The following FAM234B variants were observed in gnomAD, a reference collection of about 807,000 sequenced individuals.
The protein encoded by FAM234B is family with sequence similarity 234 member B.
A neutral mutation model predicts 69.3 loss-of-function variants in FAM234B; 33 were observed. The observed-to-expected ratio is 0.48, with a 90% CI of 0.36 to 0.64. The LOEUF (loss-of-function observed/expected upper bound fraction) is 0.64. Ranked by LOEUF, FAM234B falls within the 30% of genes least tolerant of loss-of-function variation. The probability of loss-of-function intolerance (pLI) is 0.00; values close to 1 mark genes in which losing one functional copy is unlikely to be tolerated. For missense variants in FAM234B, 697 were observed against 769.7 expected (o/e 0.91, Z 1.12); for synonymous variants, 306 against 306.9 (o/e 1.00, Z 0.03).
chr12:13,079,515 G>A (rs1041643334), intron 11 of FAM234B, among the ~76,000 whole-genome samples: 1 of 152,212 alleles, frequency 6.6e-6, no homozygotes, highest in African/African-American at 2.4e-5. Context: ...TGCCACAAGG[G>A]GCACATTCTC....
intron 11 of FAM234B, 41 bp downstream of exon 11, chr12:13,076,184 T>G: frequency 7.1e-7 from 1 of 1,406,430 alleles, no homozygotes; most frequent in African/African-American, 1.4e-5. Flanking sequence ...ACGCAGATGG[T>G]GGGAGAGTAT....
At chr12:13,076,183 G>T in intron 11 of FAM234B, 40 bp downstream of exon 11, 6 of 1,430,372 alleles carry the variant, frequency 4.2e-6, no homozygotes, top group Non-Finnish European at 5.9e-6. Context: ...TACGCAGATG[G>T]TGGGAGAGTA....
rs760047368 is a variant in FAM234B at position 13,061,704 on chromosome 12, A to G, written c.662A>G (p.Glu221Gly). 1 of 1,614,150 alleles carries G rather than the reference A, an allele frequency of 6.2e-7. No homozygotes were observed. Among genetic ancestry groups the G allele is most frequent in the Non-Finnish European group, 8.5e-7 (1 of 1,180,014 alleles). ...CLELMPGSLA[E>G]TICLVTGTHK... The stretch of plus-strand genomic sequence containing the variant: ...GAGCTGATGCCAGGAAGCTTGGCTG[A>G]AACCATCTGCCTTGTGACAGGGACA... Residue 221 changes from glutamate (E) to glycine (G), a missense_variant, in exon 4 of 13, where the codon GAA (glutamate) becomes GGA (glycine). Transcript: ENST00000197268.
At position 13,067,243 on chromosome 12, in the gene FAM234B, A is replaced by G. The variant is rs1396413699; in HGVS notation, c.1089A>G (p.Pro363=). 3 of 1,614,054 alleles carry G rather than the reference A, an allele frequency of 1.9e-6. No individual in the cohort carries two copies. The highest frequency in any genetic ancestry group is 2.5e-6 in the Non-Finnish European group (3 of 1,179,892). The change falls in exon 7 of 13, where the codon CCA becomes CCG. Residue 363 remains proline, a synonymous_variant. Coordinates refer to ENST00000197268, the MANE Select transcript of FAM234B (RefSeq NM_020853.2). The surrounding 1 kb of genome is among the most constrained non-coding windows in gnomAD (Gnocchi z 4.7). ...SSPPSLQIEE[P]EWEKRRSINL... is the part of the protein sequence containing the mutation. ...CACCTTCTCTGCAGATAGAAGAGCC[A>G]GAATGGGAAAAGCGAAGATCCATCA...
chr12:13,066,495 AGCAGGTTTG>A (rs1865037748), intron 5 of FAM234B, 136 bp from the exon 6 acceptor site: 1 of 812,900 alleles, frequency 1.2e-6, no homozygotes, highest in African/African-American at 1.8e-5. Flanking sequence ...AATAAAGCGA[AGCAGGTTTG>A]GCTTTGTGCT....
intron 8 of FAM234B, 26 bp from the exon 9 acceptor site, chr12:13,068,604 A>G (rs1315915361): frequency 1.2e-6 from 2 of 1,600,090 alleles, no homozygotes; most frequent in South Asian, 2.2e-5. Context: ...TTCACTATTG[A>G]TTGCTTACTT....
intron 2 of FAM234B, among the ~76,000 whole-genome samples, chr12:13,057,928 G>A (rs993075982): frequency 6.6e-6 from 1 of 152,234 alleles, no homozygotes; most frequent in African/African-American, 2.4e-5. Flanking sequence ...TCCAGGAGAG[G>A]GTGGGAGCCA....
chr12:13,052,370 C>T (rs1227438189), intron 1 of FAM234B, among the ~76,000 whole-genome samples: 1 of 152,044 alleles, frequency 6.6e-6, no homozygotes, highest in Non-Finnish European at 1.5e-5. Context: ...TCTTGCTGTG[C>T]TTTCTCAAGT....
intron 1 of FAM234B, among the ~76,000 whole-genome samples, chr12:13,046,229 C>T (rs1864810391): frequency 1.0e-5 from 1 of 96,798 alleles, no homozygotes. Context: ...CTGGTTAGTA[C>T]TTGGATGGGA....
rs569452385 is a variant in FAM234B at position 13,044,694 on chromosome 12, G to C, written c.37+254G>C. Among the ~76,000 whole-genome samples the C allele has an allele frequency of 1.3e-5, 2 of 152,224 alleles. No homozygotes were observed. The highest frequency in any genetic ancestry group is 2.4e-5 in the African/African-American group (1 of 41,464). On this transcript the variant is annotated intron_variant, in intron 1 of 12. Transcript: ENST00000197268. The surrounding 1 kb of genome is among the most constrained non-coding windows in gnomAD (Gnocchi z 5.6). ...CGCGCGGGGAGAGGGCGCCGAGCAGGTGTTACGGCGGGGAATGTCAGAACG... is the reference window on the plus strand; with the variant it reads ...CGCGCGGGGAGAGGGCGCCGAGCAGCTGTTACGGCGGGGAATGTCAGAACG...
intron 5 of FAM234B, among the ~76,000 whole-genome samples, chr12:13,064,813 G>A (rs1282308058): frequency 1.3e-5 from 2 of 152,144 alleles, no homozygotes; most frequent in Non-Finnish European, 2.9e-5. Flanking sequence ...TGAGATGGAA[G>A]ACTCTCTCTT....
rs1565508954 is a variant in FAM234B, at chr12:13,061,560, C to T, written c.533-15C>T. On this transcript the variant is annotated splice_polypyrimidine_tract_variant and intron_variant, in intron 3 of 12. Coordinates refer to ENST00000197268, the MANE Select transcript of FAM234B (RefSeq NM_020853.2). ...TGCCTGCTTTCCTTTTTTTATCTCT[C>T]TTGTGTGCTTTTAGGTGTCTCAAGA... The T allele has an allele frequency of 2.5e-6, 4 of 1,600,726 alleles. No individual in the cohort carries two copies. The highest frequency in any genetic ancestry group is 1.8e-4 in the Middle Eastern group (1 of 5,700).
Position 13,068,414 on chromosome 12 carries a change from C to T in FAM234B, c.1253C>T (p.Pro418Leu), listed in dbSNP as rs1865064971. ...LVLLRGQNLT[P>L]YWALRLQGLR... The stretch of plus-strand genomic sequence containing the variant: ...CTGCTTCGGGGGCAAAATCTGACAC[C>T]TTACTGGGCATTGAGACTTCAAGGC... The change falls in exon 8 of 13, where the codon CCT (proline) becomes CTT (leucine). Residue 418 changes from proline (P) to leucine (L), a missense_variant. Transcript: ENST00000197268. 1.2e-6 allele frequency: 2 copies of T among 1,614,168 alleles called. No individual in the cohort carries two copies. Among genetic ancestry groups the T allele is most frequent in the South Asian group, 2.2e-5 (2 of 91,076 alleles).
Position 13,080,845 on chromosome 12 carries a change from A to G in FAM234B, c.*215A>G. ...TCTTACCTACCTTTTCAGTCCCTGC[A>G]TTAATCCCCTCTAGGAACTCTGCGT... On this transcript the variant is annotated 3_prime_UTR_variant, in exon 13 of 13. Coordinates refer to ENST00000197268, the MANE Select transcript of FAM234B (RefSeq NM_020853.2). The G allele has an allele frequency of 1.9e-6, 1 of 514,080 alleles. No homozygotes were observed. Among genetic ancestry groups the G allele is most frequent in the Non-Finnish European group, 3.4e-6 (1 of 292,442 alleles). 31.8% of individuals were successfully genotyped at this position (514,080 alleles called of 1,614,324 possible).
chr12:13,065,531 T>A (rs1347632148), intron 5 of FAM234B, among the ~76,000 whole-genome samples: 1 of 152,270 alleles, frequency 6.6e-6, no homozygotes, highest in African/African-American at 2.4e-5. Context: ...AGATTTGCTT[T>A]CTGTTTGTAA....
At chr12:13,068,218 C>T (rs1865061424) in intron 7 of FAM234B, 86 bp from the exon 8 acceptor site, 14 of 1,353,662 alleles carry the variant, frequency 1.0e-5, no homozygotes, top group South Asian at 4.9e-5. Context: ...TACAGGTGTA[C>T]GTATACTGAG....
At chr12:13,076,817 T>G (rs1865167244) in intron 11 of FAM234B, among the ~76,000 whole-genome samples, 1 of 152,256 alleles carries the variant, frequency 6.6e-6, no homozygotes, top group African/African-American at 2.4e-5. Context: ...CAGCCTCTGC[T>G]GCCTGCTAGT....
chr12:13,058,033 T>C (rs1043582272), intron 2 of FAM234B, among the ~76,000 whole-genome samples: 2 of 152,214 alleles, frequency 1.3e-5, no homozygotes, highest in Non-Finnish European at 2.9e-5. Context: ...TCTACAACTT[T>C]CCTGTCTTGC....
At position 13,071,302 on chromosome 12, in the gene FAM234B, T is replaced by G. The variant is rs1239066000; in HGVS notation, c.1430T>G (p.Met477Arg). 2.5e-6 allele frequency: 4 copies of G among 1,614,036 alleles called. No individual in the cohort carries two copies. Among genetic ancestry groups the G allele is most frequent in the Non-Finnish European group, 2.5e-6 (3 of 1,180,018 alleles). The change falls in exon 10 of 13, where the codon ATG becomes AGG. Residue 477 changes from methionine to arginine, a missense_variant. Around this residue, in one of 3 missense-constraint regions of FAM234B, gnomAD observed 313 missense variants for 305.5 expected, o/e 1.02. Transcript: ENST00000197268. ...IVWSYRAPCH[M>R]KETPATSAVT... Reference sequence around the variant, plus strand: ...TGGAGTTACCGTGCTCCGTGTCACATGAAAGAAACGCCAGCCACCTCAGCA... The same window carrying G: ...TGGAGTTACCGTGCTCCGTGTCACAGGAAAGAAACGCCAGCCACCTCAGCA...
Sources: allele counts gnomAD v4.1 joint callset (sites outside exome capture counted in the v4.1 genomes callset), GRCh38; gene constraint gnomAD v4.1.1; regional missense constraint gnomAD v4.1.1; non-coding constraint Gnocchi (gnomAD v3.1); transcripts MANE v1.5; gene names NCBI Gene and HGNC (gene_info 2026-07-23, HGNC 2026-07-21).